Variants in SURF4 observed in about 807,000 individuals in gnomAD.
The protein encoded by SURF4 is surfeit 4.
SURF4 carries 3 observed loss-of-function variants against 30.0 expected under a neutral mutation model. The observed-to-expected ratio is 0.10, with a 90% CI of 0.05 to 0.26. SURF4 has a LOEUF of 0.26. Among genes scored for constraint, SURF4 ranks in the 10% least tolerant of loss-of-function variants. The probability of loss-of-function intolerance (pLI) is 1.00; values close to 1 mark genes in which losing one functional copy is unlikely to be tolerated. For missense variants in SURF4, 217 were observed against 350.8 expected, an observed-to-expected ratio of 0.62 and a Z score of 3.05; for synonymous variants, 143 against 139.9, an observed-to-expected ratio of 1.02 and a Z score of -0.16.
At chr9:133,377,669 G>GA (rs2130255191), upstream of SURF4, among the ~76,000 whole-genome samples, 34 of 146,006 alleles carry the variant, frequency 2.3e-4, no homozygotes, top group Middle Eastern at 6.9e-3. Flanking sequence ...GTCTCAGAAA[G>GA]AAAAAAAAAA....
At chr9:133,376,290 C>G, upstream of SURF4, 1 of 1,337,288 alleles carries the variant, frequency 7.5e-7, no homozygotes, top group Middle Eastern at 2.8e-4. Flanking sequence ...GCGGTCCCTC[C>G]CGGCCCGGCG....
upstream of SURF4, among the ~76,000 whole-genome samples, chr9:133,377,097 G>A (rs1056000228): frequency 6.6e-6 from 1 of 152,156 alleles, no homozygotes; most frequent in African/African-American, 2.4e-5. Flanking sequence ...AACAGTTTGC[G>A]GGTTAGATTT....
At chr9:133,376,103 G>C (rs981375797), upstream of SURF4, 6 of 1,203,176 alleles carry the variant, frequency 5.0e-6, no homozygotes, top group Non-Finnish European at 6.2e-6. Flanking sequence ...CGGCTCCAGC[G>C]GCTGCCACGT....
At chr9:133,377,769 G>A (rs952212383), upstream of SURF4, among the ~76,000 whole-genome samples, 1 of 152,150 alleles carries the variant, frequency 6.6e-6, no homozygotes, top group Admixed American at 6.5e-5. Flanking sequence ...GTTTTGGGAT[G>A]ATTCAAGCAC....
chr9:133,364,441 A>G (rs2130102730), intron 5 of SURF4, among the ~76,000 whole-genome samples: 73 of 152,292 alleles, frequency 4.8e-4, no homozygotes, highest in African/African-American at 1.6e-3. Context: ...CTGTAATCCC[A>G]GCAATTTGGG....
At chr9:133,376,550 A>AGAAGTACCAGGTGCC, upstream of SURF4, 1 of 1,597,992 alleles carries the variant, frequency 6.3e-7, no homozygotes, top group Non-Finnish European at 8.5e-7. Flanking sequence ...GAGCCCATGG[A>AGAAGTACCAGGTGCC]GAAGTACCAG....
upstream of SURF4, among the ~76,000 whole-genome samples, chr9:133,377,882 G>T (rs1256139578): frequency 4.6e-5 from 7 of 152,160 alleles, no homozygotes; most frequent in Non-Finnish European, 8.8e-5. Flanking sequence ...CCCTGAGCTT[G>T]TTTTCTTGCA....
In SURF4 at chr9:133,366,585, C is replaced by G. The variant is rs368611157; in HGVS notation, c.312+14G>C. 6.2e-7 allele frequency: 1 copy of G among 1,613,672 alleles called. No individual in the cohort carries two copies. The highest frequency in any genetic ancestry group is 8.5e-7 in the Non-Finnish European group (1 of 1,179,902). ...AGCAAAGAGAAGGGAGCCCCGACCA[C>G]GCGGCCCGTGTACCTGCAGAGCTAT... On this transcript the variant is annotated intron_variant, in intron 3 of 5. Coordinates refer to ENST00000371989, the MANE Select transcript of SURF4 (RefSeq NM_033161.4).
upstream of SURF4, among the ~76,000 whole-genome samples, chr9:133,377,929 C>T (rs1172435849): frequency 1.3e-5 from 2 of 152,172 alleles, no homozygotes; most frequent in South Asian, 2.1e-4. Flanking sequence ...GAGACAGTGA[C>T]GGATCATCAG....
At chr9:133,375,255 G>A (rs1180244796) in intron 1 of SURF4, 2 of 985,376 alleles carry the variant, frequency 2.0e-6, no homozygotes, top group African/African-American at 1.7e-5. Flanking sequence ...ACTTCTGGAA[G>A]GAGACTATCA....
chr9:133,365,015 A>T lies in SURF4; in HGVS notation c.368T>A (p.Leu123Gln). The change falls in exon 5 of 6, where the codon CTG becomes CAG. Residue 123 changes from leucine to glutamine, a missense_variant. By Grantham distance (113) the Leu-to-Gln change is moderately radical. Transcript: ENST00000371989. ...DLKFLMRNLA[L>Q]GGGLLLLLAE... ...TAGGAGCAGCAACAGGCCTCCTCCC[A>T]GGGCCAGGTTCCTGAGGAACAGATA... The T allele has an allele frequency of 6.4e-7, 1 of 1,568,084 alleles. No individual in the cohort carries two copies.
intron 1 of SURF4, among the ~76,000 whole-genome samples, chr9:133,368,717 A>G (rs1391238843): frequency 6.6e-6 from 1 of 152,228 alleles, no homozygotes; most frequent in Non-Finnish European, 1.5e-5. Flanking sequence ...AACATGCACT[A>G]TCGGATGCCA....
At chr9:133,375,113 GAA>G in intron 1 of SURF4, 1 of 657,542 alleles carries the variant, frequency 1.5e-6, no homozygotes, top group Non-Finnish European at 1.9e-6. Flanking sequence ...GCTTAATCAA[GAA>G]AGAGGGAAGG....
chr9:133,365,099 G>C, intron 4 of SURF4, 73 bp from the exon 5 acceptor site: 1 of 1,376,380 alleles, frequency 7.3e-7, no homozygotes, highest in Non-Finnish European at 9.7e-7. Context: ...CAGGTGCAGG[G>C]AGACCTTGCT....
chr9:133,367,942 G>A (rs2130152124), intron 1 of SURF4, among the ~76,000 whole-genome samples: 8 of 152,366 alleles, frequency 5.3e-5, no homozygotes, highest in East Asian at 3.9e-4. Context: ...ACTCTTTGCC[G>A]TGGGTCATCC....
intron 1 of SURF4, chr9:133,370,895 A>C: frequency 7.8e-7 from 1 of 1,289,794 alleles, no homozygotes; most frequent in South Asian, 1.2e-5. Flanking sequence ...CAAGCTTCTC[A>C]TTAAGTCTCT....
chr9:133,372,225 C>G (rs1370640143), intron 1 of SURF4, among the ~76,000 whole-genome samples: 1 of 152,220 alleles, frequency 6.6e-6, no homozygotes, highest in African/African-American at 2.4e-5. Context: ...CCAGAGCAAG[C>G]AGCTTGATGC....
chr9:133,375,944 G>C lies in SURF4; in HGVS notation c.26C>G (p.Thr9Arg). 1 of 1,234,062 alleles carries C rather than the reference G, an allele frequency of 8.1e-7. No homozygotes were observed. The highest frequency in any genetic ancestry group is 1.0e-6 in the Non-Finnish European group (1 of 984,558). 76.4% of individuals were successfully genotyped at this position (1,234,062 alleles called of 1,614,324 possible). A position where few individuals can be genotyped will look rare whatever the true frequency, so the allele number is the denominator to read the frequency against. ...CACCTGGTCGGCGAAGTCCTCGGCC[G>C]TGCCCATCAGGTCGTTCTGGCCCAT... is the stretch of plus-strand genomic sequence containing the variant. Reference protein sequence around the residue: MGQNDLMGTAEDFADQFLR... With the variant: MGQNDLMGRAEDFADQFLR... The change falls in exon 1 of 6, where the codon ACG (threonine) becomes AGG (arginine). Residue 9 changes from threonine to arginine, a missense_variant. By Grantham distance (71) the Thr-to-Arg change is moderately conservative. Transcript: ENST00000371989.
upstream of SURF4, chr9:133,376,070 C>G (rs2119194727): frequency 1.7e-6 from 2 of 1,207,184 alleles, no homozygotes; most frequent in Non-Finnish European, 2.1e-6. Context: ...TGCCCGGCGG[C>G]CGGCCTCGCT....
Sources: gnomAD v4.1 joint callset for allele counts (sites outside exome capture counted in the v4.1 genomes callset) on GRCh38, gnomAD v4.1.1 for gene constraint, MANE v1.5 for transcripts, NCBI Gene and HGNC (gene_info 2026-07-23, HGNC 2026-07-21) for gene names.